Variants in NFAT5 observed in about 807,000 individuals in gnomAD.
NFAT5 encodes nuclear factor of activated T-cells 5.
In NFAT5, 31 loss-of-function variants were observed where a neutral mutation model predicts 166.5. The ratio of observed to expected loss-of-function variants is 0.19; its 90% CI spans 0.14 to 0.25. The LOEUF (loss-of-function observed/expected upper bound fraction) is 0.25, where lower values mean the gene tolerates loss of function less well. NFAT5 is among the 10% of genes least tolerant of loss of function. NFAT5 has a pLI of 1.00. For synonymous variants in NFAT5, 612 were observed against 639.7 expected (o/e 0.96, Z 0.65); for missense variants, 1,449 against 1,821.8 (o/e 0.80, Z 3.72).
rs774143282 is a variant in NFAT5 at position 69,692,254 on chromosome 16, G to A, written c.2429G>A (p.Ser810Asn). ...SFTGSTASGSSGSVDLVQQVL... is the reference protein window; with the variant it reads ...SFTGSTASGSNGSVDLVQQVL... ...ACAGGCAGTACTGCTAGTGGCAGCA[G>A]TGGAAGTGTTGACTTGGTCCAACAA... Residue 810 changes from serine (S) to asparagine (N), a missense_variant, in exon 13 of 15, where the codon AGT becomes AAT. Transcript: ENST00000349945. 9 of 1,614,082 alleles carry A rather than the reference G, an allele frequency of 5.6e-6. No individual in the cohort carries two copies. The African/African-American group carries it at 6.7e-5, about 12-fold the overall frequency.
At chr16:69,604,810 G>T (rs935723267) in intron 2 of NFAT5, among the ~76,000 whole-genome samples, 6 of 152,114 alleles carry the variant, frequency 3.9e-5, no homozygotes, top group Admixed American at 2.0e-4. Flanking sequence ...GGATTTACAT[G>T]TGACCTCTTA....
rs1350354768 is a variant in NFAT5, at chr16:69,679,694, G to A, written c.1690+2359G>A. ...GAAAACATTGGACCAAAAAGGCAAA[G>A]TTTAGAAATAACATCCTGGCTTCAA... On this transcript the variant is annotated intron_variant, in intron 10 of 14. Coordinates refer to ENST00000349945, the MANE Select transcript of NFAT5 (RefSeq NM_138713.4). 2.0e-5 allele frequency among the ~76,000 whole-genome samples: 3 copies of A among 152,306 alleles called. No homozygotes were observed. The East Asian group carries it at 5.8e-4, about 29-fold the overall frequency.
At position 69,640,578 on chromosome 16, in the gene NFAT5, C is replaced by A. The variant is rs145910104; in HGVS notation, c.254-6450C>A. On this transcript the variant is annotated intron_variant, in intron 3 of 14. Coordinates refer to ENST00000349945, the MANE Select transcript of NFAT5 (RefSeq NM_138713.4). ...TTAATCTGAAAATATGTCCTTGTAT[C>A]TGGTGACTTTTATCAGATGAGAACT... Among the ~76,000 whole-genome samples, 339 of 152,298 alleles carry A rather than the reference C, an allele frequency of 2.2e-3. 2 individuals carry two copies. Among genetic ancestry groups the A allele is most frequent in the South Asian group, 5.8e-3 (28 of 4,818 alleles).
intron 10 of NFAT5, among the ~76,000 whole-genome samples, chr16:69,678,335 C>G (rs1044904004): frequency 6.6e-6 from 1 of 151,682 alleles, no homozygotes; most frequent in Non-Finnish European, 1.5e-5. Context: ...CTGCCTCAGC[C>G]TCCCGAGTAG....
At chr16:69,587,556 T>G (rs1363123926) in intron 2 of NFAT5, among the ~76,000 whole-genome samples, 4 of 151,628 alleles carry the variant, frequency 2.6e-5, no homozygotes, top group Admixed American at 2.6e-4. Context: ...GCCGGGCTAA[T>G]TTTTATATTT....
Position 69,688,223 on chromosome 16 carries a change from AAAAC to A in NFAT5, c.1775-2716_1775-2713del, listed in dbSNP as rs1213395735. On this transcript the variant is annotated intron_variant, in intron 11 of 14. Coordinates refer to ENST00000349945, the MANE Select transcript of NFAT5 (RefSeq NM_138713.4). ...GTCTCAAAAAAAAAAAAAAAAAAAA[AAAAC>A]CAGGAGTTTGAGGCTGCAGGTACTC... Among the ~76,000 whole-genome samples the A allele has an allele frequency of 7.5e-5, 11 of 146,122 alleles. 1 individual carries two copies. Among genetic ancestry groups the A allele is most frequent in the African/African-American group, 2.9e-4 (11 of 37,870 alleles).
Position 69,610,228 on chromosome 16 carries a change from G to A in NFAT5, c.128-16175G>A, listed in dbSNP as rs150901949. 2.6e-5 allele frequency among the ~76,000 whole-genome samples: 4 copies of A among 152,274 alleles called. No homozygotes were observed. The East Asian group carries it at 7.7e-4, about 29-fold the overall frequency. On this transcript the variant is annotated intron_variant, in intron 2 of 14. Transcript: ENST00000349945. ...TGGGGTGGAAGTTGGAAGATAGGAC[G>A]TGAGGGGACAGGGTATTTGGATTAA... is the stretch of plus-strand genomic sequence containing the variant.
chr16:69,639,837 G>A (rs1310863868), intron 3 of NFAT5, among the ~76,000 whole-genome samples: 1 of 152,200 alleles, frequency 6.6e-6, no homozygotes, highest in Non-Finnish European at 1.5e-5. Flanking sequence ...CTGGCTTATG[G>A]ATTAGAGAGC....
chr16:69,678,356 G>C (rs1007878170), intron 10 of NFAT5, among the ~76,000 whole-genome samples: 1 of 151,364 alleles, frequency 6.6e-6, no homozygotes, highest in South Asian at 2.1e-4. Context: ...CTGGGACTAC[G>C]GGTGTACACC....
At chr16:69,641,082 A>G (rs2035186755) in intron 3 of NFAT5, among the ~76,000 whole-genome samples, 1 of 151,846 alleles carries the variant, frequency 6.6e-6, no homozygotes, top group Admixed American at 6.6e-5. Flanking sequence ...ATTTGAGACC[A>G]GCCTGGCCAA....
rs542594107 is a variant in NFAT5 at position 69,696,608 on chromosome 16, G to A, written c.*257G>A. 6.5e-6 allele frequency: 1 copy of A among 152,684 alleles called. No individual in the cohort carries two copies. Among genetic ancestry groups the A allele is most frequent in the South Asian group, 2.1e-4 (1 of 4,816 alleles). 9.5% of individuals were successfully genotyped at this position (152,684 alleles called of 1,614,324 possible). A position where few individuals can be genotyped will look rare whatever the true frequency, so the allele number is the denominator to read the frequency against. ...AATCTATTTGAGTTTCCAGCTGGCA[G>A]AATTAATTGTTATTATTTTCCTAGG... On this transcript the variant is annotated 3_prime_UTR_variant, in exon 15 of 15. Coordinates refer to ENST00000349945, the MANE Select transcript of NFAT5 (RefSeq NM_138713.4).
intron 1 of NFAT5, among the ~76,000 whole-genome samples, chr16:69,568,261 G>C (rs866114014): frequency 1.4e-4 from 22 of 151,924 alleles, no homozygotes; most frequent in African/African-American, 4.6e-4. Flanking sequence ...CGGAGGTTGC[G>C]GTGAGCCGAG....
intron 2 of NFAT5, among the ~76,000 whole-genome samples, chr16:69,570,215 A>G (rs1212297667): frequency 6.6e-6 from 1 of 152,180 alleles, no homozygotes; most frequent in African/African-American, 2.4e-5. Context: ...ACCCTTTTAG[A>G]AATTATATAT....
At chr16:69,681,917 GAA>G (rs763455010) in intron 10 of NFAT5, among the ~76,000 whole-genome samples, 71 of 102,248 alleles carry the variant, frequency 6.9e-4, no homozygotes, top group African/African-American at 2.0e-3. Flanking sequence ...GACTCCATCT[GAA>G]AAAAAAAAAA....
intron 11 of NFAT5, among the ~76,000 whole-genome samples, chr16:69,688,811 C>T (rs1206771417): frequency 6.6e-6 from 1 of 152,170 alleles, no homozygotes; most frequent in Non-Finnish European, 1.5e-5. Flanking sequence ...ACAACATCTG[C>T]CTTCACAGAG....
intron 13 of NFAT5, among the ~76,000 whole-genome samples, 198 bp downstream of exon 13, chr16:69,694,437 T>A (rs2151725037): frequency 6.6e-6 from 1 of 152,280 alleles, no homozygotes; most frequent in East Asian, 1.9e-4. Context: ...GTATTTTTGT[T>A]AGAGGCGGGG....
At chr16:69,583,352 A>G (rs1027580449) in intron 2 of NFAT5, among the ~76,000 whole-genome samples, 2 of 151,724 alleles carry the variant, frequency 1.3e-5, no homozygotes, top group African/African-American at 4.8e-5. Flanking sequence ...CAGTGTTTAC[A>G]GGTGTATAAC....
Position 69,659,760 on chromosome 16 carries a change from T to G in NFAT5, c.1230T>G (p.Asn410Lys). ...GCGTAGGGATATTGAAATTGAGGAA[T>G]GCTGATGTCGAAGCCAGAATAGGAA... ...VDCVGILKLRNADVEARIGIA... is the reference protein window; with the variant it reads ...VDCVGILKLRKADVEARIGIA... The change falls in exon 7 of 15, where the codon AAT becomes AAG. Residue 410 changes from asparagine to lysine, a missense_variant. This residue lies in a region of NFAT5 where 245 missense variants were observed against 366.6 expected (regional missense o/e 0.67). Coordinates refer to ENST00000349945, the MANE Select transcript of NFAT5 (RefSeq NM_138713.4). 6.2e-7 allele frequency: 1 copy of G among 1,613,942 alleles called. No individual in the cohort carries two copies. Among genetic ancestry groups the G allele is most frequent in the Non-Finnish European group, 8.5e-7 (1 of 1,179,936 alleles).
Position 69,699,146 on chromosome 16 carries a change from A to G in NFAT5, c.*2795A>G, listed in dbSNP as rs1053812093. The G allele has an allele frequency of 3.3e-5, 5 of 152,932 alleles. No individual in the cohort carries two copies. The highest frequency in any genetic ancestry group is 9.6e-5 in the African/African-American group (4 of 41,462). The allele number at this position is 152,932 out of a possible 1,614,324, so 9.5% of individuals were successfully genotyped here. ...TCTGAACTTTTTTCTAAGAGATTAC[A>G]TAGGAGACTAAAGAAATCTATCTGT... On this transcript the variant is annotated 3_prime_UTR_variant, in exon 15 of 15. Coordinates refer to ENST00000349945, the MANE Select transcript of NFAT5 (RefSeq NM_138713.4).
Sources: allele counts gnomAD v4.1 joint callset (sites outside exome capture counted in the v4.1 genomes callset), GRCh38; gene constraint gnomAD v4.1.1; regional missense constraint gnomAD v4.1.1; transcripts MANE v1.5; gene names NCBI Gene and HGNC (gene_info 2026-07-23, HGNC 2026-07-21).